PMP22: variants seen among roughly 807,000 people sequenced by gnomAD.
PMP22 encodes Charcot-Marie-Tooth neuropathy 1A (greatly reduced nerve conduction velocity, hereditary motor sensory neuropathy Ia).
PMP22 carries 2 observed loss-of-function variants against 18.9 expected under a neutral mutation model. The observed-to-expected ratio is 0.11, with a 90% CI of 0.04 to 0.33. PMP22 has a LOEUF of 0.33. Ranked by LOEUF, PMP22 falls within the 10% of genes least tolerant of loss-of-function variation. PMP22 has a pLI of 1.00. For missense variants in PMP22, 169 were observed against 202.2 expected, an observed-to-expected ratio of 0.84 and a Z score of 1.00; for synonymous variants, 95 against 89.2, an observed-to-expected ratio of 1.07 and a Z score of -0.37.
chr17:15,257,085 C>T (rs1056306833), intron 3 of PMP22, among the ~76,000 whole-genome samples: 24 of 152,158 alleles, frequency 1.6e-4, no homozygotes, highest in African/African-American at 5.6e-4. Context: ...TCACGGAAAG[C>T]AACGAGGCAG....
chr17:15,248,717 G>A (rs900350094), intron 3 of PMP22, among the ~76,000 whole-genome samples: 20 of 152,156 alleles, frequency 1.3e-4, no homozygotes, highest in African/African-American at 4.8e-4. Context: ...AAAAGGAGGG[G>A]AGTGCATTGT....
chr17:15,254,852 G>A (rs915583323), intron 3 of PMP22, among the ~76,000 whole-genome samples: 4 of 152,158 alleles, frequency 2.6e-5, no homozygotes, highest in African/African-American at 7.2e-5. Flanking sequence ...CCAGCTACCC[G>A]GGAGGCTGAG....
chr17:15,241,427 CAAAT>C (rs1275188659), intron 3 of PMP22, among the ~76,000 whole-genome samples: 1 of 152,090 alleles, frequency 6.6e-6, no homozygotes, highest in Non-Finnish European at 1.5e-5. Context: ...GAAACTAAAA[CAAAT>C]AAAGGGATTC....
intron 1 of PMP22, among the ~76,000 whole-genome samples, chr17:15,263,577 G>A (rs1255309742): frequency 1.0e-5 from 1 of 100,160 alleles, no homozygotes; most frequent in African/African-American, 5.8e-5. Flanking sequence ...GTTCACGCAC[G>A]CGCGCGCACA....
chr17:15,247,693 T>C (rs1907961115), intron 3 of PMP22, among the ~76,000 whole-genome samples: 1 of 152,202 alleles, frequency 6.6e-6, no homozygotes, highest in Non-Finnish European at 1.5e-5. Flanking sequence ...ATGTGCATCT[T>C]TCATTACCAG....
At chr17:15,262,862 T>G (rs1011126839) in intron 1 of PMP22, among the ~76,000 whole-genome samples, 1 of 152,150 alleles carries the variant, frequency 6.6e-6, no homozygotes, top group Non-Finnish European at 1.5e-5. Context: ...CAGCCCACTC[T>G]GGGAAGACCC....
At chr17:15,240,009 C>T (rs1483707356) in intron 3 of PMP22, among the ~76,000 whole-genome samples, 3 of 151,980 alleles carry the variant, frequency 2.0e-5, no homozygotes, top group Non-Finnish European at 4.4e-5. Context: ...ATATAAAAAA[C>T]ACATGTGAAC....
intron 4 of PMP22, chr17:15,235,202 G>A (rs1057059361): frequency 4.2e-6 from 3 of 717,428 alleles, no homozygotes; most frequent in Non-Finnish European, 7.8e-6. Context: ...CAAAAAGAGA[G>A]AGAAAGTGAA....
intron 4 of PMP22, among the ~76,000 whole-genome samples, chr17:15,232,156 T>C (rs1906416658): frequency 6.6e-6 from 1 of 151,842 alleles, no homozygotes; most frequent in South Asian, 2.1e-4. Flanking sequence ...CACCTACATC[T>C]AACCTCACTG....
intron 1 of PMP22, among the ~76,000 whole-genome samples, chr17:15,264,645 A>G (rs2150716107): frequency 6.6e-6 from 1 of 152,294 alleles, no homozygotes; most frequent in Non-Finnish European, 1.5e-5. Flanking sequence ...CCCAGGTCAC[A>G]GCCACACCAT....
chr17:15,234,610 T>C (rs1161533892), intron 4 of PMP22, among the ~76,000 whole-genome samples: 2 of 152,096 alleles, frequency 1.3e-5, no homozygotes, highest in Non-Finnish European at 2.9e-5. Flanking sequence ...GCCCACTCCT[T>C]TTACATTTTC....
intron 3 of PMP22, among the ~76,000 whole-genome samples, chr17:15,241,777 T>G (rs7218016): frequency 0.022 from 3,287 of 152,270 alleles, 119 homozygotes; most frequent in African/African-American, 0.075. Flanking sequence ...AAATCAGAAT[T>G]AGAGGATCAA....
chr17:15,254,669 A>G (rs1156887200), intron 3 of PMP22, among the ~76,000 whole-genome samples: 1 of 152,146 alleles, frequency 6.6e-6, no homozygotes, highest in East Asian at 1.9e-4. Flanking sequence ...TTAAATAATA[A>G]TAAGATGGCC....
At chr17:15,252,955 A>G (rs1035950015) in intron 3 of PMP22, among the ~76,000 whole-genome samples, 2 of 152,222 alleles carry the variant, frequency 1.3e-5, no homozygotes, top group Admixed American at 1.3e-4. Context: ...TCAGGTCCAC[A>G]CAAATTAAAC....
chr17:15,247,204 C>T (rs1304764616), intron 3 of PMP22, among the ~76,000 whole-genome samples: 1 of 151,538 alleles, frequency 6.6e-6, no homozygotes, highest in East Asian at 1.9e-4. Context: ...CTCGTCTCTA[C>T]TAAAAATACA....
chr17:15,248,294 A>C (rs1229289567), intron 3 of PMP22, among the ~76,000 whole-genome samples: 2 of 152,216 alleles, frequency 1.3e-5, no homozygotes, highest in Admixed American at 6.5e-5. Flanking sequence ...GGCTCTCTCA[A>C]CAGGTAATCC....
Position 15,230,006 on chromosome 17 carries a change from G to A in PMP22, c.*911C>T, listed in dbSNP as rs1015965333. The A allele has an allele frequency of 2.6e-5, 4 of 152,630 alleles. No individual in the cohort carries two copies. Among genetic ancestry groups the A allele is most frequent in the Admixed American group, 1.3e-4 (2 of 15,284 alleles). 9.5% of individuals were successfully genotyped at this position (152,630 alleles called of 1,614,324 possible). ...ACTCACGGTCCCAAGGAGTCTAGACGCTTGTTCTGATGCTCCGACCGTAAG... is the reference window on the plus strand; with the variant it reads ...ACTCACGGTCCCAAGGAGTCTAGACACTTGTTCTGATGCTCCGACCGTAAG... On this transcript the variant is annotated 3_prime_UTR_variant, in exon 5 of 5. Coordinates refer to ENST00000312280, the MANE Select transcript of PMP22 (RefSeq NM_000304.4).
intron 1 of PMP22, among the ~76,000 whole-genome samples, chr17:15,263,210 G>A (rs1443099455): frequency 6.6e-6 from 1 of 152,222 alleles, no homozygotes; most frequent in Non-Finnish European, 1.5e-5. Context: ...AGCATGGTCT[G>A]GGATTGGGCT....
At position 15,255,915 on chromosome 17, in the gene PMP22, C is replaced by T. The variant is rs181102803; in HGVS notation, c.178+3179G>A. 1.9e-3 allele frequency among the ~76,000 whole-genome samples: 289 copies of T among 152,314 alleles called. 1 individual carries two copies. Among genetic ancestry groups the T allele is most frequent in the Middle Eastern group, 0.017 (5 of 294 alleles). On this transcript the variant is annotated intron_variant, in intron 3 of 4. Transcript: ENST00000312280. ...GAGTGATTCACCCTTCCATATCTAT[C>T]TCCTGACTCTTCGACCAGGCTCGGG...
Sources: allele counts gnomAD v4.1 joint callset (sites outside exome capture counted in the v4.1 genomes callset), GRCh38; gene constraint gnomAD v4.1.1; transcripts MANE v1.5; gene names NCBI Gene and HGNC (gene_info 2026-07-23, HGNC 2026-07-21).